Variants in MAST4 observed in about 807,000 individuals in gnomAD.
The protein encoded by MAST4 is microtubule associated serine/threonine kinase family member 4, also known as microtubule-associated serine/threonine-protein kinase 4.
MAST4 carries 89 observed loss-of-function variants against 162.7 expected under a neutral mutation model. That is an observed-to-expected ratio of 0.55 (90% confidence interval 0.46 to 0.65). MAST4 has a LOEUF of 0.65. MAST4 is among the 30% of genes least tolerant of loss of function. MAST4 has a pLI of 0.00. For missense variants in MAST4, 3,153 were observed against 3,374.0 expected (o/e 0.93, Z 1.62); for synonymous variants, 1,479 against 1,361.1 (o/e 1.09, Z -1.91).
intron 4 of MAST4, among the ~76,000 whole-genome samples, chr5:66,957,963 T>C (rs948819392): frequency 2.0e-5 from 3 of 152,202 alleles, no homozygotes; most frequent in Non-Finnish European, 2.9e-5. Context: ...AAGAGTAAAT[T>C]TACAGACCAG....
chr5:66,831,802 A>G (rs1016568765), intron 3 of MAST4, among the ~76,000 whole-genome samples: 18 of 152,246 alleles, frequency 1.2e-4, no homozygotes, highest in African/African-American at 4.3e-4. Flanking sequence ...AACTTTTCAG[A>G]TTGCATCTCA....
In MAST4 at chr5:67,131,795, C is replaced by CT; in HGVS notation, c.1955-13dup. The CT allele has an allele frequency of 6.2e-7, 1 of 1,610,640 alleles. No individual in the cohort carries two copies. Among genetic ancestry groups the CT allele is most frequent in the Middle Eastern group, 1.7e-4 (1 of 6,022 alleles). ...AGCCTTCATCCTATAGCTACTAACTCTTTTTCCTGTGTTACAGGGGGAGAC... is the reference window on the plus strand; with the variant it reads ...AGCCTTCATCCTATAGCTACTAACTCTTTTTTCCTGTGTTACAGGGGGAGAC... On this transcript the variant is annotated splice_polypyrimidine_tract_variant and intron_variant, in intron 15 of 28. Transcript: ENST00000403625.
At chr5:66,859,380 C>A (rs570138706) in intron 3 of MAST4, among the ~76,000 whole-genome samples, 15 of 152,120 alleles carry the variant, frequency 9.9e-5, no homozygotes, top group African/African-American at 3.6e-4. Context: ...TATTAAAATA[C>A]TGGAGTTTTT....
Position 67,153,391 on chromosome 5 carries a change from G to A in MAST4, c.3526-67G>A. 5.3e-6 allele frequency: 8 copies of A among 1,495,778 alleles called. No homozygotes were observed. The South Asian group carries it at 9.3e-5, about 17-fold the overall frequency. 92.7% of individuals were successfully genotyped at this position (1,495,778 alleles called of 1,614,324 possible). Reference sequence around the variant, plus strand: ...TGCTAATTAACTCATTATTCTCCCAGAAGACACAGTAGGTGTTAGAGTAGT... The same window carrying A: ...TGCTAATTAACTCATTATTCTCCCAAAAGACACAGTAGGTGTTAGAGTAGT... On this transcript the variant is annotated intron_variant, in intron 25 of 28. Transcript: ENST00000403625.
chr5:66,986,110 T>C (rs1749458210), intron 4 of MAST4, among the ~76,000 whole-genome samples: 1 of 152,228 alleles, frequency 6.6e-6, no homozygotes, highest in Non-Finnish European at 1.5e-5. Context: ...GGATTAATTC[T>C]GTCTAATTCC....
At chr5:67,042,227 T>C (rs1374167327) in intron 4 of MAST4, among the ~76,000 whole-genome samples, 1 of 152,144 alleles carries the variant, frequency 6.6e-6, no homozygotes. Context: ...TTGCCACTAA[T>C]TGGTGGTGCT....
chr5:66,637,992 C>CA (rs2149431020), intron 1 of MAST4, among the ~76,000 whole-genome samples: 1 of 152,310 alleles, frequency 6.6e-6, no homozygotes, highest in South Asian at 2.1e-4. Flanking sequence ...CATGAGCCAC[C>CA]ATGCCGAGCC....
At chr5:67,028,002 T>C (rs1754867942) in intron 4 of MAST4, among the ~76,000 whole-genome samples, 1 of 152,208 alleles carries the variant, frequency 6.6e-6, no homozygotes, top group Non-Finnish European at 1.5e-5. Context: ...CTCTACCTTC[T>C]TGAACGCTTG....
intron 4 of MAST4, among the ~76,000 whole-genome samples, chr5:66,950,028 C>G (rs1427562877): frequency 5.3e-5 from 8 of 152,104 alleles, no homozygotes; most frequent in Non-Finnish European, 1.0e-4. Context: ...TTTTCACAAA[C>G]TGCAACCAGC....
At chr5:66,807,210 C>T (rs1756231431) in intron 3 of MAST4, among the ~76,000 whole-genome samples, 1 of 152,288 alleles carries the variant, frequency 6.6e-6, no homozygotes, top group South Asian at 2.1e-4. Context: ...TAAAAATGTA[C>T]AATTGGCCGG....
At chr5:67,082,280 C>T (rs942247468) in intron 5 of MAST4, among the ~76,000 whole-genome samples, 5 of 151,712 alleles carry the variant, frequency 3.3e-5, no homozygotes, top group Non-Finnish European at 7.4e-5. Flanking sequence ...TCCTGAGTAG[C>T]TGGGACTACA....
intron 1 of MAST4, among the ~76,000 whole-genome samples, chr5:66,751,277 C>T (rs530189852): frequency 4.0e-4 from 61 of 151,648 alleles, no homozygotes; most frequent in Admixed American, 9.8e-4. Context: ...TCACCAGCAA[C>T]GGAACAAAGC....
chr5:66,788,631 T>A, intron 2 of MAST4, 39 bp from the exon 3 acceptor site: 1 of 930,450 alleles, frequency 1.1e-6, no homozygotes, highest in South Asian at 1.3e-5. Flanking sequence ...TACTACCGGC[T>A]GCCTGTCACT....
chr5:67,057,586 C>A, intron 5 of MAST4, among the ~76,000 whole-genome samples: 1 of 100,324 alleles, frequency 1.0e-5, no homozygotes. Context: ...ATAGCACAGT[C>A]TCATTAAAAA....
intron 1 of MAST4, among the ~76,000 whole-genome samples, chr5:66,601,096 C>T (rs1370549936): frequency 6.6e-6 from 1 of 152,128 alleles, no homozygotes; most frequent in African/African-American, 2.4e-5. Context: ...GGGTTTCCCA[C>T]GTGTACTAAT....
chr5:66,805,175 T>G (rs560982238), intron 3 of MAST4, among the ~76,000 whole-genome samples: 2 of 152,308 alleles, frequency 1.3e-5, no homozygotes, highest in South Asian at 4.1e-4. Context: ...AAAGGAGCGG[T>G]TCATCTTCTT....
intron 1 of MAST4, among the ~76,000 whole-genome samples, chr5:66,696,747 A>T (rs913192428): frequency 1.3e-5 from 2 of 150,142 alleles, no homozygotes; most frequent in African/African-American, 4.9e-5. Context: ...TATCATCTGC[A>T]TTTTTTTTTT....
At chr5:66,687,542 G>A (rs1191862521) in intron 1 of MAST4, among the ~76,000 whole-genome samples, 1 of 150,742 alleles carries the variant, frequency 6.6e-6, no homozygotes, top group African/African-American at 2.5e-5. Context: ...ATATATGTAT[G>A]TATACATATA....
chr5:67,111,269 C>CACAT (rs561763152), intron 11 of MAST4, among the ~76,000 whole-genome samples: 3 of 152,116 alleles, frequency 2.0e-5, no homozygotes, highest in South Asian at 2.1e-4. Context: ...CAGAAATACA[C>CACAT]ACATACATAC....
Sources: gnomAD v4.1 joint callset for allele counts (sites outside exome capture counted in the v4.1 genomes callset) on GRCh38, gnomAD v4.1.1 for gene constraint, MANE v1.5 for transcripts, NCBI Gene and HGNC (gene_info 2026-07-23, HGNC 2026-07-21) for gene names.